The following BRINP1 variants were observed in gnomAD, a reference collection of about 807,000 sequenced individuals.
The protein encoded by BRINP1 is BMP/retinoic acid inducible neural specific 1, also known as BMP/retinoic acid-inducible neural-specific protein 1.
BRINP1 carries 17 observed loss-of-function variants against 72.9 expected under a neutral mutation model. That is an observed-to-expected ratio of 0.23 (90% CI 0.16 to 0.35). The LOEUF (loss-of-function observed/expected upper bound fraction) is 0.35. Among genes scored for constraint, BRINP1 ranks in the 10% least tolerant of loss-of-function variants. The pLI is 1.00. For synonymous variants in BRINP1, 418 were observed against 378.5 expected, an observed-to-expected ratio of 1.10 and a Z score of -1.21; for missense variants, 850 against 1,001.6, an observed-to-expected ratio of 0.85 and a Z score of 2.04.
rs541790465 is a variant in BRINP1, at chr9:119,214,129, G to A, written c.712C>T (p.Leu238=). 2.5e-6 allele frequency: 4 copies of A among 1,613,960 alleles called. No individual in the cohort carries two copies. The highest frequency in any genetic ancestry group is 3.4e-6 in the Non-Finnish European group (4 of 1,179,832). ...QGLQIIFPQY[L]QEKFVQSALS... ...GCCGACTGGACAAACTTCTCTTGCA[G>A]ATACTGAGGAAAGATTATCTGAAGA... Residue 238 remains leucine, a synonymous_variant, in exon 6 of 8, where the codon CTG becomes TTG. Coordinates refer to ENST00000265922, the MANE Select transcript of BRINP1 (RefSeq NM_014618.3).
chr9:119,172,133 A>G (rs1249687939), intron 7 of BRINP1, among the ~76,000 whole-genome samples: 1 of 151,700 alleles, frequency 6.6e-6, no homozygotes, highest in Non-Finnish European at 1.5e-5. Flanking sequence ...AACTAAAATC[A>G]GAGCAGAACT....
At position 119,221,233 on chromosome 9, in the gene BRINP1, C is replaced by G. The variant is rs80042874; in HGVS notation, c.686-7078G>C. ...ACCACTAAGTTCTGCTTGTCAAATT[C>G]TGTCCATTTCCGAAATGCACAAGGT... On this transcript the variant is annotated intron_variant, in intron 5 of 7. Coordinates refer to ENST00000265922, the MANE Select transcript of BRINP1 (RefSeq NM_014618.3). Among the ~76,000 whole-genome samples the G allele has an allele frequency of 3.3e-3, 504 of 152,210 alleles. 3 individuals carry two copies. Among genetic ancestry groups the G allele is most frequent in the African/African-American group, 0.012 (484 of 41,540 alleles).
intron 2 of BRINP1, among the ~76,000 whole-genome samples, chr9:119,287,155 G>T (rs933572003): frequency 1.3e-5 from 2 of 151,848 alleles, no homozygotes; most frequent in African/African-American, 4.8e-5. Flanking sequence ...TAGTTTACAG[G>T]ATATGCAGCA....
intron 2 of BRINP1, among the ~76,000 whole-genome samples, chr9:119,262,645 C>CAAAAA (rs55738449): frequency 2.2e-4 from 14 of 62,948 alleles, no homozygotes; most frequent in Admixed American, 4.1e-4. Flanking sequence ...GACTCCAACT[C>CAAAAA]AAAAAAAAAA....
In BRINP1 at chr9:119,208,796, G is replaced by T. The variant is rs773056372; in HGVS notation, c.1068C>A (p.Ile356=). ...CGAAAAGCTTGCGGGCAGTGCGTTG[G>T]ATCTTTTGTCTCTGTGCCTCCGTGG... is the stretch of plus-strand genomic sequence containing the variant. ...QSATEAQRQK[I]QRTARKLFGL... The change falls in exon 7 of 8, where the codon ATC becomes ATA. Residue 356 remains isoleucine, a synonymous_variant. Coordinates refer to ENST00000265922, the MANE Select transcript of BRINP1 (RefSeq NM_014618.3). 2.2e-5 allele frequency: 36 copies of T among 1,614,082 alleles called. No homozygotes were observed. The Admixed American group carries it at 6.0e-4, about 27-fold the overall frequency.
At chr9:119,351,754 G>A (rs1030631285) in intron 1 of BRINP1, among the ~76,000 whole-genome samples, 1 of 152,126 alleles carries the variant, frequency 6.6e-6, no homozygotes, top group Admixed American at 6.6e-5. Flanking sequence ...GAAAGTCAAT[G>A]AGCAAAGTCA....
chr9:119,241,081 C>T (rs1830243625), intron 4 of BRINP1, among the ~76,000 whole-genome samples: 1 of 152,204 alleles, frequency 6.6e-6, no homozygotes, highest in Non-Finnish European at 1.5e-5. Context: ...GTTAAAGTTC[C>T]TGTGCTCTAA....
intron 1 of BRINP1, among the ~76,000 whole-genome samples, chr9:119,358,620 G>A (rs568229805): frequency 7.2e-5 from 11 of 152,294 alleles, no homozygotes; most frequent in African/African-American, 2.4e-4. Flanking sequence ...CTTGAATCCG[G>A]AAGGCGGAGG....
intron 2 of BRINP1, among the ~76,000 whole-genome samples, chr9:119,309,621 G>C (rs1831040672): frequency 6.6e-6 from 1 of 152,130 alleles, no homozygotes; most frequent in African/African-American, 2.4e-5. Flanking sequence ...ATTTTACAAG[G>C]CACTTTCACA....
chr9:119,183,390 A>C (rs1829578692), intron 7 of BRINP1, among the ~76,000 whole-genome samples: 2 of 152,236 alleles, frequency 1.3e-5, no homozygotes, highest in African/African-American at 4.8e-5. Context: ...GAAACCAGAC[A>C]CAAAGAGTTC....
intron 7 of BRINP1, among the ~76,000 whole-genome samples, chr9:119,191,378 C>G (rs1829682000): frequency 6.6e-6 from 1 of 151,678 alleles, no homozygotes; most frequent in Non-Finnish European, 1.5e-5. Flanking sequence ...TTCTAATATG[C>G]AGAAAACCCC....
At chr9:119,265,798 C>T (rs1003203803) in intron 2 of BRINP1, among the ~76,000 whole-genome samples, 5 of 151,994 alleles carry the variant, frequency 3.3e-5, no homozygotes, top group East Asian at 1.9e-4. Flanking sequence ...TTGTGTGTCA[C>T]GAGGTTTTGG....
In BRINP1 at chr9:119,167,690, G is replaced by A; in HGVS notation, c.1680C>T (p.Phe560=). Residue 560 remains phenylalanine (F), a synonymous_variant, in exon 8 of 8, where the codon TTC becomes TTT. Transcript: ENST00000265922. The surrounding 1 kb of genome is among the most constrained non-coding windows in gnomAD (Gnocchi z 4.3). ...QMRNSSLDPM[F]FVYVNPFSGS... is the part of the protein sequence containing the mutation. ...CGCTAAAGGGGTTGACATAGACAAA[G>A]AACATGGGGTCCAGGCTGCTGTTGC... 6.2e-7 allele frequency: 1 copy of A among 1,614,140 alleles called. No homozygotes were observed. Among genetic ancestry groups the A allele is most frequent in the Non-Finnish European group, 8.5e-7 (1 of 1,180,022 alleles).
Position 119,248,997 on chromosome 9 carries a change from C to T in BRINP1, c.372G>A (p.Lys124=). Residue 124 remains lysine (K), a synonymous_variant, in exon 3 of 8, where the codon AAG becomes AAA. Coordinates refer to ENST00000265922, the MANE Select transcript of BRINP1 (RefSeq NM_014618.3). ...TQQFIDTIIK[K]YGTHLLISAT... Reference sequence around the variant, plus strand: ...CTGAGATGAGCAGGTGGGTGCCGTACTTTTTGATGATGGTATCGATGAACT... The same window carrying T: ...CTGAGATGAGCAGGTGGGTGCCGTATTTTTTGATGATGGTATCGATGAACT... The T allele has an allele frequency of 6.2e-7, 1 of 1,613,990 alleles. No homozygotes were observed. Among genetic ancestry groups the T allele is most frequent in the Non-Finnish European group, 8.5e-7 (1 of 1,179,952 alleles).
At chr9:119,244,543 A>G (rs1485803924) in intron 3 of BRINP1, among the ~76,000 whole-genome samples, 1 of 152,198 alleles carries the variant, frequency 6.6e-6, no homozygotes, top group Non-Finnish European at 1.5e-5. Flanking sequence ...TAAAAGTTAA[A>G]CAAGTGAATA....
chr9:119,202,701 C>T (rs968491144), intron 7 of BRINP1, among the ~76,000 whole-genome samples: 2 of 152,118 alleles, frequency 1.3e-5, no homozygotes, highest in Admixed American at 1.3e-4. Flanking sequence ...AACAGAAATC[C>T]ATCACAGTAT....
intron 2 of BRINP1, among the ~76,000 whole-genome samples, chr9:119,259,579 C>T (rs1830478899): frequency 6.6e-6 from 1 of 152,128 alleles, no homozygotes; most frequent in African/African-American, 2.4e-5. Flanking sequence ...GAAAGAGCGA[C>T]TCATAACTAA....
intron 1 of BRINP1, among the ~76,000 whole-genome samples, chr9:119,339,248 CTG>C (rs1687364056): frequency 6.6e-6 from 1 of 152,216 alleles, no homozygotes; most frequent in African/African-American, 2.4e-5. Flanking sequence ...ATGAGCATGG[CTG>C]TGTTCCAGTG....
chr9:119,345,698 AG>A (rs1831443482), intron 1 of BRINP1, among the ~76,000 whole-genome samples: 2 of 152,214 alleles, frequency 1.3e-5, no homozygotes, highest in Non-Finnish European at 2.9e-5. Flanking sequence ...ACTAGTAAGT[AG>A]CAGAGCAGAA....
Sources: allele counts gnomAD v4.1 joint callset (sites outside exome capture counted in the v4.1 genomes callset), GRCh38; gene constraint gnomAD v4.1.1; non-coding constraint Gnocchi (gnomAD v3.1); transcripts MANE v1.5; gene names NCBI Gene and HGNC (gene_info 2026-07-23, HGNC 2026-07-21).